POU6F2: variants seen among roughly 807,000 people sequenced by gnomAD.
POU6F2 encodes the protein POU domain, class 6, transcription factor 2.
POU6F2 carries 31 observed loss-of-function variants against 71.3 expected under a neutral mutation model. That is an observed-to-expected ratio of 0.43 (90% CI 0.33 to 0.59). POU6F2 has a LOEUF of 0.59. Among genes scored for constraint, POU6F2 ranks in the 20% least tolerant of loss-of-function variants. The probability of loss-of-function intolerance (pLI) is 0.04; values close to 1 mark genes in which losing one functional copy is unlikely to be tolerated. For missense variants in POU6F2, 783 were observed against 856.8 expected, an observed-to-expected ratio of 0.91 and a Z score of 1.07; for synonymous variants, 347 against 355.7, an observed-to-expected ratio of 0.98 and a Z score of 0.27.
At position 39,022,466 on chromosome 7, in the gene POU6F2, A is replaced by G. The variant is rs575780563; in HGVS notation, c.105+44408A>G. 6.6e-5 allele frequency among the ~76,000 whole-genome samples: 10 copies of G among 152,212 alleles called. 1 individual carries two copies. In the South Asian group the frequency reaches 2.1e-3, roughly 32 times the overall value. ...TCAATCAGTTTTGACACTTGTATGC[A>G]CCTGGGTAACAGCTACTCTAGCCAA... is the stretch of plus-strand genomic sequence containing the variant. On this transcript the variant is annotated intron_variant, in intron 1 of 9. Coordinates refer to ENST00000518318, the MANE Select transcript of POU6F2 (RefSeq NM_001370959.1).
intron 1 of POU6F2, among the ~76,000 whole-genome samples, chr7:38,990,478 T>A (rs1256827215): frequency 1.3e-5 from 2 of 152,110 alleles, no homozygotes; most frequent in Non-Finnish European, 2.9e-5. Flanking sequence ...AAATAGAGTG[T>A]ACTCCTAAAT....
Position 39,388,797 on chromosome 7 carries a change from T to C in POU6F2, c.973-17803T>C, listed in dbSNP as rs899809993. Reference sequence around the variant, plus strand: ...TTAACGGCTAGTACATAAACTCTATTTCATATTTGAAACCATTTCTACTTG... The same window carrying C: ...TTAACGGCTAGTACATAAACTCTATCTCATATTTGAAACCATTTCTACTTG... On this transcript the variant is annotated intron_variant, in intron 5 of 9. Coordinates refer to ENST00000518318, the MANE Select transcript of POU6F2 (RefSeq NM_001370959.1). 4.6e-5 allele frequency among the ~76,000 whole-genome samples: 7 copies of C among 152,336 alleles called. No individual in the cohort carries two copies. The East Asian group carries it at 1.3e-3, about 29-fold the overall frequency.
chr7:39,162,596 T>C (rs907005668), intron 2 of POU6F2, among the ~76,000 whole-genome samples: 11 of 152,196 alleles, frequency 7.2e-5, no homozygotes, highest in African/African-American at 2.4e-4. Context: ...GTGAGTCCAA[T>C]GGAGCCATAT....
chr7:39,064,564 AAAT>A (rs1194952720), intron 1 of POU6F2, among the ~76,000 whole-genome samples: 2 of 151,944 alleles, frequency 1.3e-5, no homozygotes, highest in African/African-American at 2.4e-5. Flanking sequence ...ATTAAACTGA[AAAT>A]AATAATAAAA....
intron 2 of POU6F2, among the ~76,000 whole-genome samples, chr7:39,090,292 T>C (rs1438892266): frequency 6.6e-6 from 1 of 152,186 alleles, no homozygotes; most frequent in Non-Finnish European, 1.5e-5. Context: ...ATTTTTTTCT[T>C]TCAAATTGCC....
chr7:39,111,894 G>A (rs1053029168), intron 2 of POU6F2, among the ~76,000 whole-genome samples: 2 of 151,988 alleles, frequency 1.3e-5, no homozygotes, highest in African/African-American at 4.8e-5. Flanking sequence ...TATTCTGGGT[G>A]GTTTCAGAGG....
At chr7:39,140,091 C>T (rs1363250911) in intron 2 of POU6F2, among the ~76,000 whole-genome samples, 1 of 152,186 alleles carries the variant, frequency 6.6e-6, no homozygotes, top group Non-Finnish European at 1.5e-5. Flanking sequence ...TATCCCTCCC[C>T]ACATCATAGG....
At chr7:39,015,528 G>T (rs1789462970) in intron 1 of POU6F2, among the ~76,000 whole-genome samples, 3 of 64,294 alleles carry the variant, frequency 4.7e-5, no homozygotes, top group Non-Finnish European at 9.3e-5. Context: ...ATATATCTAT[G>T]TTTTATATAG....
At chr7:39,454,730 A>C (rs1788759219) in intron 8 of POU6F2, among the ~76,000 whole-genome samples, 2 of 106,810 alleles carry the variant, frequency 1.9e-5, no homozygotes, top group East Asian at 5.1e-4. Context: ...ATATATATAA[A>C]ATAAGATATA....
At chr7:39,031,719 A>G (rs1371083407) in intron 1 of POU6F2, among the ~76,000 whole-genome samples, 1 of 152,094 alleles carries the variant, frequency 6.6e-6, no homozygotes, top group Non-Finnish European at 1.5e-5. Context: ...CGTCTCTAAT[A>G]AAAATAAAAA....
At chr7:39,150,464 T>C (rs1792733807) in intron 2 of POU6F2, among the ~76,000 whole-genome samples, 1 of 112,142 alleles carries the variant, frequency 8.9e-6, no homozygotes, top group Admixed American at 8.3e-5. Context: ...CAAGCTACAT[T>C]TTTTTTTTTT....
intron 2 of POU6F2, among the ~76,000 whole-genome samples, chr7:39,140,015 C>T (rs1244698974): frequency 6.6e-6 from 1 of 152,116 alleles, no homozygotes. Context: ...CTTCATTAAC[C>T]AGCTACCGTG....
chr7:39,022,182 ATTC>A (rs1040023988), intron 1 of POU6F2, among the ~76,000 whole-genome samples: 3 of 151,250 alleles, frequency 2.0e-5, no homozygotes, highest in Admixed American at 1.3e-4. Flanking sequence ...TACTTTCTGC[ATTC>A]TTCTCTCTGG....
intron 4 of POU6F2, among the ~76,000 whole-genome samples, chr7:39,309,133 G>A (rs189875813): frequency 6.6e-6 from 1 of 152,318 alleles, no homozygotes; most frequent in African/African-American, 2.4e-5. Context: ...AAATCAGAAC[G>A]AGGGGGAGGG....
chr7:39,128,512 C>T (rs946330788), intron 2 of POU6F2, among the ~76,000 whole-genome samples: 2 of 152,102 alleles, frequency 1.3e-5, no homozygotes, highest in African/African-American at 4.8e-5. Flanking sequence ...AGATGCATAT[C>T]TTAATTTTAT....
At chr7:39,122,729 A>G (rs1364123704) in intron 2 of POU6F2, among the ~76,000 whole-genome samples, 25 of 120,802 alleles carry the variant, frequency 2.1e-4, no homozygotes, top group African/African-American at 7.7e-4. Flanking sequence ...TTTTTTGGAG[A>G]TGGAATCTTA....
chr7:39,373,964 C>T (rs988218546), intron 5 of POU6F2, among the ~76,000 whole-genome samples: 1 of 152,072 alleles, frequency 6.6e-6, no homozygotes, highest in Non-Finnish European at 1.5e-5. Context: ...ACCTGTGACC[C>T]TTTAAATATT....
chr7:39,081,646 A>T (rs746056761), intron 1 of POU6F2, among the ~76,000 whole-genome samples: 2 of 152,206 alleles, frequency 1.3e-5, no homozygotes, highest in African/African-American at 4.8e-5. Flanking sequence ...TGTCCTGTCT[A>T]CTATACCATA....
chr7:39,148,602 G>A (rs1477778374), intron 2 of POU6F2, among the ~76,000 whole-genome samples: 3 of 152,068 alleles, frequency 2.0e-5, no homozygotes, highest in Non-Finnish European at 2.9e-5. Flanking sequence ...GATAATGATG[G>A]TGATGATGAT....
Sources: gnomAD v4.1 joint callset for allele counts (sites outside exome capture counted in the v4.1 genomes callset) on GRCh38, gnomAD v4.1.1 for gene constraint, MANE v1.5 for transcripts, NCBI Gene and HGNC (gene_info 2026-07-23, HGNC 2026-07-21) for gene names.